Variants in AGPAT4 observed in about 807,000 individuals in gnomAD.
AGPAT4 encodes the protein 1-acylglycerol-3-phosphate O-acyltransferase 4.
AGPAT4 carries 15 observed loss-of-function variants against 48.0 expected under a neutral mutation model. The ratio of observed to expected loss-of-function variants is 0.31; its 90% CI spans 0.21 to 0.48. AGPAT4 has a LOEUF of 0.48. Ranked by LOEUF, AGPAT4 falls within the 20% of genes least tolerant of loss-of-function variation. AGPAT4 has a pLI of 0.99. For synonymous variants in AGPAT4, 178 were observed against 198.7 expected (o/e 0.90, Z 0.88); for missense variants, 314 against 482.5 (o/e 0.65, Z 3.27).
rs1280677340 is a variant in AGPAT4 at position 161,204,277 on chromosome 6, T to C, written c.178+27759A>G. On this transcript the variant is annotated intron_variant, in intron 2 of 8. Coordinates refer to ENST00000320285, the MANE Select transcript of AGPAT4 (RefSeq NM_020133.3). This position sits in a 1 kb window ranked among gnomAD's most constrained non-coding sequence, Gnocchi z 4.4. ...TTTCTATATAAAGGTAGTGTATATG[T>C]TAAATATGTCTGAAATTTGAGGAGA... Among the ~76,000 whole-genome samples, 2 of 152,228 alleles carry C rather than the reference T, an allele frequency of 1.3e-5. No homozygotes were observed. Among genetic ancestry groups the C allele is most frequent in the Non-Finnish European group, 2.9e-5 (2 of 68,028 alleles).
chr6:161,187,033 C>T (rs1254917770), intron 2 of AGPAT4, among the ~76,000 whole-genome samples: 3 of 152,182 alleles, frequency 2.0e-5, no homozygotes, highest in Non-Finnish European at 2.9e-5. Context: ...TCCCATTCCA[C>T]GATTTACTAA....
chr6:161,199,578 C>A (rs562548029), intron 2 of AGPAT4, among the ~76,000 whole-genome samples: 2 of 152,252 alleles, frequency 1.3e-5, no homozygotes, highest in African/African-American at 4.8e-5. Context: ...GGCTCCGTGT[C>A]CCCATCCAAA....
In AGPAT4 at chr6:161,133,136, A is replaced by G. The variant is rs776727087; in HGVS notation, c.*3404T>C. On this transcript the variant is annotated 3_prime_UTR_variant, in exon 9 of 9. Coordinates refer to ENST00000320285, the MANE Select transcript of AGPAT4 (RefSeq NM_020133.3). Reference sequence around the variant, plus strand: ...GGATACCTTGCTTCACACTTTGGTCAATATTTATGAATAAGTTCTAAAGCC... The same window carrying G: ...GGATACCTTGCTTCACACTTTGGTCGATATTTATGAATAAGTTCTAAAGCC... 8.5e-5 allele frequency: 13 copies of G among 152,182 alleles called. No homozygotes were observed. The highest frequency in any genetic ancestry group is 1.9e-4 in the Non-Finnish European group (13 of 68,042). The allele number at this position is 152,182 out of a possible 1,614,324, so 9.4% of individuals were successfully genotyped here. A position where few individuals can be genotyped will look rare whatever the true frequency, so the allele number is the denominator to read the frequency against.
rs778047285 is a variant in AGPAT4 at position 161,149,312 on chromosome 6, A to G, written c.665-23T>C. ...AAACTATAAAAAATAAAACAAATAC[A>G]AAGCAGTATATAGCGTGTGAACCCA... On this transcript the variant is annotated intron_variant, in intron 5 of 8. Coordinates refer to ENST00000320285, the MANE Select transcript of AGPAT4 (RefSeq NM_020133.3). The surrounding 1 kb of genome is among the most constrained non-coding windows in gnomAD (Gnocchi z 6.5). The G allele has an allele frequency of 1.9e-6, 3 of 1,597,448 alleles. No individual in the cohort carries two copies. Among genetic ancestry groups the G allele is most frequent in the Admixed American group, 3.4e-5 (2 of 58,074 alleles).
Position 161,220,566 on chromosome 6 carries a change from T to G in AGPAT4, c.178+11470A>C, listed in dbSNP as rs1317533365. On this transcript the variant is annotated intron_variant, in intron 2 of 8. Coordinates refer to ENST00000320285, the MANE Select transcript of AGPAT4 (RefSeq NM_020133.3). This position sits in a 1 kb window ranked among gnomAD's most constrained non-coding sequence, Gnocchi z 6.0. The stretch of plus-strand genomic sequence containing the variant: ...TAGAGGAACCAAAGACTTGTTGCCC[T>G]CTTTTTGGCCAAACAAAGACGCTGC... Among the ~76,000 whole-genome samples, 1 of 152,146 alleles carries G rather than the reference T, an allele frequency of 6.6e-6. No individual in the cohort carries two copies. The highest frequency in any genetic ancestry group is 1.5e-5 in the Non-Finnish European group (1 of 68,020).
chr6:161,181,246 G>A (rs1229390830), intron 2 of AGPAT4, among the ~76,000 whole-genome samples: 1 of 152,174 alleles, frequency 6.6e-6, no homozygotes, highest in African/African-American at 2.4e-5. Flanking sequence ...CTTGTGTCCT[G>A]GTACTCAACA....
Position 161,240,759 on chromosome 6 carries a change from T to C in AGPAT4, c.-89-8457A>G, listed in dbSNP as rs1782460129. Among the ~76,000 whole-genome samples the C allele has an allele frequency of 6.6e-6, 1 of 152,120 alleles. No homozygotes were observed. The highest frequency in any genetic ancestry group is 2.4e-5 in the African/African-American group (1 of 41,428). On this transcript the variant is annotated intron_variant, in intron 1 of 8. Coordinates refer to ENST00000320285, the MANE Select transcript of AGPAT4 (RefSeq NM_020133.3). The surrounding 1 kb of genome is among the most constrained non-coding windows in gnomAD (Gnocchi z 5.5). ...AGCACTCCTTCAGGTCGGATGAATG[T>C]GGCCAAAGTCTCCACCAGGGCGGCA...
Position 161,178,456 on chromosome 6 carries a change from G to C in AGPAT4, c.179-12039C>G, listed in dbSNP as rs1024778659. Among the ~76,000 whole-genome samples the C allele has an allele frequency of 1.3e-5, 2 of 152,212 alleles. No individual in the cohort carries two copies. Among genetic ancestry groups the C allele is most frequent in the Non-Finnish European group, 2.9e-5 (2 of 68,046 alleles). ...CAGACACGGGATATAATCTCCTGGT[G>C]TGCCATTTGCTAAGACCGTTGGAAA... On this transcript the variant is annotated intron_variant, in intron 2 of 8. Coordinates refer to ENST00000320285, the MANE Select transcript of AGPAT4 (RefSeq NM_020133.3). This position sits in a 1 kb window ranked among gnomAD's most constrained non-coding sequence, Gnocchi z 5.1.
rs1388608343 is a variant in AGPAT4, at chr6:161,234,115, C to T, written c.-89-1813G>A. Among the ~76,000 whole-genome samples, 1 of 152,146 alleles carries T rather than the reference C, an allele frequency of 6.6e-6. No individual in the cohort carries two copies. ...CTTTGGCAGAGCAGCCCAGAAATTC[C>T]CCCAAGGGCAGAAGACAGCACAGCT... is the stretch of plus-strand genomic sequence containing the variant. On this transcript the variant is annotated intron_variant, in intron 1 of 8. Coordinates refer to ENST00000320285, the MANE Select transcript of AGPAT4 (RefSeq NM_020133.3). The surrounding 1 kb of genome is among the most constrained non-coding windows in gnomAD (Gnocchi z 4.4).
At position 161,197,100 on chromosome 6, in the gene AGPAT4, G is replaced by A. The variant is rs1781090945; in HGVS notation, c.179-30683C>T. On this transcript the variant is annotated intron_variant, in intron 2 of 8. Coordinates refer to ENST00000320285, the MANE Select transcript of AGPAT4 (RefSeq NM_020133.3). This position sits in a 1 kb window ranked among gnomAD's most constrained non-coding sequence, Gnocchi z 5.7. ...AACCACTTTCCCAAACTTGTTTCAT[G>A]GAACGGATCCAGGAACACTTTAATT... Among the ~76,000 whole-genome samples the A allele has an allele frequency of 6.6e-6, 1 of 152,158 alleles. No homozygotes were observed. Among genetic ancestry groups the A allele is most frequent in the Non-Finnish European group, 1.5e-5 (1 of 68,018 alleles).
Position 161,171,256 on chromosome 6 carries a change from T to A in AGPAT4, c.179-4839A>T, listed in dbSNP as rs1284659829. Among the ~76,000 whole-genome samples the A allele has an allele frequency of 6.6e-6, 1 of 152,254 alleles. No individual in the cohort carries two copies. The highest frequency in any genetic ancestry group is 1.5e-5 in the Non-Finnish European group (1 of 68,048). ...GCAAAGATAAGGTATTTGCTGTTTGTCTTAGTCCATTTTATGCTGCTGTAA... is the reference window on the plus strand; with the variant it reads ...GCAAAGATAAGGTATTTGCTGTTTGACTTAGTCCATTTTATGCTGCTGTAA... On this transcript the variant is annotated intron_variant, in intron 2 of 8. Transcript: ENST00000320285. This position sits in a 1 kb window ranked among gnomAD's most constrained non-coding sequence, Gnocchi z 4.4.
rs896170804 is a variant in AGPAT4 at position 161,217,641 on chromosome 6, G to A, written c.178+14395C>T. 6.6e-6 allele frequency among the ~76,000 whole-genome samples: 1 copy of A among 152,176 alleles called. No individual in the cohort carries two copies. The highest frequency in any genetic ancestry group is 6.5e-5 in the Admixed American group (1 of 15,292). Reference sequence around the variant, plus strand: ...TTTCCATTTAAAGAAATTGGCTACTGGTGTAGAAATTGTACATGAACAATC... The same window carrying A: ...TTTCCATTTAAAGAAATTGGCTACTAGTGTAGAAATTGTACATGAACAATC... On this transcript the variant is annotated intron_variant, in intron 2 of 8. Coordinates refer to ENST00000320285, the MANE Select transcript of AGPAT4 (RefSeq NM_020133.3). The surrounding 1 kb of genome is among the most constrained non-coding windows in gnomAD (Gnocchi z 4.9).
Position 161,220,620 on chromosome 6 carries a change from T to C in AGPAT4, c.178+11416A>G, listed in dbSNP as rs1045496435. On this transcript the variant is annotated intron_variant, in intron 2 of 8. Coordinates refer to ENST00000320285, the MANE Select transcript of AGPAT4 (RefSeq NM_020133.3). The surrounding 1 kb of genome is among the most constrained non-coding windows in gnomAD (Gnocchi z 6.0). ...TAAGACAGAACCGAATATTGCAAAA[T>C]GGGTAGGCAATGCCCCCACCTGATT... 1.3e-5 allele frequency among the ~76,000 whole-genome samples: 2 copies of C among 152,106 alleles called. No homozygotes were observed. The highest frequency in any genetic ancestry group is 4.8e-5 in the African/African-American group (2 of 41,420).
In AGPAT4 at chr6:161,187,639, G is replaced by A. The variant is rs143704517; in HGVS notation, c.179-21222C>T. 4.3e-3 allele frequency among the ~76,000 whole-genome samples: 658 copies of A among 151,924 alleles called. 10 individuals are homozygous for A. Among genetic ancestry groups the A allele is most frequent in the African/African-American group, 0.015 (620 of 41,394 alleles). On this transcript the variant is annotated intron_variant, in intron 2 of 8. Transcript: ENST00000320285. ...GCTCACCGCAACCTCTACCTCTCGC[G>A]TTCAAATTCTCCTGCCTCAGCCTCC...
In AGPAT4 at chr6:161,270,179, T is replaced by A. The variant is rs1204752987; in HGVS notation, c.-90+3759A>T. On this transcript the variant is annotated intron_variant, in intron 1 of 8. Transcript: ENST00000320285. This position sits in a 1 kb window ranked among gnomAD's most constrained non-coding sequence, Gnocchi z 5.3. ...GTATCTTGTTTTGCTCACAGTTGCATCTGTGGGACCTGACACCTATTAAAC... is the reference window on the plus strand; with the variant it reads ...GTATCTTGTTTTGCTCACAGTTGCAACTGTGGGACCTGACACCTATTAAAC... 6.6e-6 allele frequency among the ~76,000 whole-genome samples: 1 copy of A among 152,222 alleles called. No individual in the cohort carries two copies. Among genetic ancestry groups the A allele is most frequent in the Non-Finnish European group, 1.5e-5 (1 of 68,032 alleles).
intron 2 of AGPAT4, among the ~76,000 whole-genome samples, chr6:161,230,933 T>C (rs1391297941): frequency 6.6e-6 from 1 of 152,238 alleles, no homozygotes; most frequent in Non-Finnish European, 1.5e-5. Context: ...TAAAGATATG[T>C]CTATGACTTT....
At position 161,131,461 on chromosome 6, in the gene AGPAT4, GA is replaced by G. The variant is rs1408825920; in HGVS notation, c.*5078del. On this transcript the variant is annotated 3_prime_UTR_variant, in exon 9 of 9. Transcript: ENST00000320285. The stretch of plus-strand genomic sequence containing the variant: ...TTTATTTTGGCCTAATTATTCTTAA[GA>G]AAGGTGGTTCTTTTTTAGAAAAGGG... 2 of 152,542 alleles carry G rather than the reference GA, an allele frequency of 1.3e-5. No individual in the cohort carries two copies. The highest frequency in any genetic ancestry group is 2.9e-5 in the Non-Finnish European group (2 of 68,316). The allele number at this position is 152,542 out of a possible 1,614,324, so 9.4% of individuals were successfully genotyped here. A position where few individuals can be genotyped will look rare whatever the true frequency, so the allele number is the denominator to read the frequency against.
At position 161,187,278 on chromosome 6, in the gene AGPAT4, T is replaced by C. The variant is rs541664535; in HGVS notation, c.179-20861A>G. On this transcript the variant is annotated intron_variant, in intron 2 of 8. Coordinates refer to ENST00000320285, the MANE Select transcript of AGPAT4 (RefSeq NM_020133.3). ...CAGGCACGTTTTGTCTTGTTCAGTATTCTTCTACCATAGAGTGTGCTTTCC... is the reference window on the plus strand; with the variant it reads ...CAGGCACGTTTTGTCTTGTTCAGTACTCTTCTACCATAGAGTGTGCTTTCC... Among the ~76,000 whole-genome samples the C allele has an allele frequency of 2.6e-5, 4 of 152,342 alleles. No homozygotes were observed. The East Asian group carries it at 7.7e-4, about 29-fold the overall frequency.
chr6:161,161,043 A>G lies in AGPAT4; in HGVS notation c.348+5205T>C, dbSNP rs938502407. 2.2e-6 allele frequency: 1 copy of G among 456,696 alleles called. No individual in the cohort carries two copies. The allele number at this position is 456,696 out of a possible 1,614,324, so 28.3% of individuals were successfully genotyped here. On this transcript the variant is annotated intron_variant, in intron 3 of 8. Coordinates refer to ENST00000320285, the MANE Select transcript of AGPAT4 (RefSeq NM_020133.3). The surrounding 1 kb of genome is among the most constrained non-coding windows in gnomAD (Gnocchi z 4.6). Reference sequence around the variant, plus strand: ...GCACGAAAGGGGGACAGTTCATGGGATGATACCAAGTCGGTGTACAGCAGA... The same window carrying G: ...GCACGAAAGGGGGACAGTTCATGGGGTGATACCAAGTCGGTGTACAGCAGA...
Sources: gnomAD v4.1 joint callset for allele counts (sites outside exome capture counted in the v4.1 genomes callset) on GRCh38, gnomAD v4.1.1 for gene constraint, Gnocchi (gnomAD v3.1) non-coding constraint, MANE v1.5 for transcripts, NCBI Gene and HGNC (gene_info 2026-07-23, HGNC 2026-07-21) for gene names.